The following GALK1 variants were observed in gnomAD, a reference collection of about 807,000 sequenced individuals.
The protein encoded by GALK1 is galactokinase 1, also known as galactokinase.
GALK1 carries 30 observed loss-of-function variants against 38.6 expected under a neutral mutation model. The ratio of observed to expected loss-of-function variants is 0.78; its 90% CI spans 0.58 to 1.05. GALK1 has a LOEUF of 1.05. GALK1 is among the 50% of genes least tolerant of loss of function. GALK1 has a pLI of 0.00. For missense variants in GALK1, 512 were observed against 540.5 expected (o/e 0.95, Z 0.52); for synonymous variants, 240 against 233.6 (o/e 1.03, Z -0.25).
downstream of GALK1, chr17:75,755,773 T>C: frequency 6.2e-7 from 1 of 1,612,632 alleles, no homozygotes; most frequent in South Asian, 1.1e-5. Context: ...CCCACATCTC[T>C]CAGAGTGAGC....
At chr17:75,757,643 C>T (rs762774843), downstream of GALK1, 1 of 1,569,112 alleles carries the variant, frequency 6.4e-7, no homozygotes, top group African/African-American at 1.3e-5. Flanking sequence ...ATCCTTGCAC[C>T]CCTGGGGGCC....
chr17:75,752,172 A>G, intron 8 of GALK1: 1 of 1,613,942 alleles, frequency 6.2e-7, no homozygotes, highest in Non-Finnish European at 8.5e-7. Flanking sequence ...TCTCTGCCCC[A>G]GGACCTATTG....
chr17:75,758,217 T>C lies in GALK1; in HGVS notation c.1100A>G (p.His367Arg). The C allele has an allele frequency of 8.1e-6, 13 of 1,606,692 alleles. No individual in the cohort carries two copies. The highest frequency in any genetic ancestry group is 1.1e-5 in the Non-Finnish European group (13 of 1,177,442). Residue 367 changes from histidine (H) to arginine (R), a missense_variant, in exon 7 of 8, where the codon CAC becomes CGC. Physicochemically the swap from His to Arg is conservative, Grantham distance 29. Coordinates refer to ENST00000588479, the MANE Select transcript of GALK1 (RefSeq NM_000154.2). Reference protein sequence around the residue: ...EASAAPHAMRHIQEHYGGTAT... With the variant: ...EASAAPHAMRRIQEHYGGTAT... ...GCCCTGGTGCCCGCCCACCTGGATG[T>C]GCCGCATGGCGTGGGGAGCAGCGGA...
chr17:75,756,810 T>C, downstream of GALK1: 1 of 1,612,362 alleles, frequency 6.2e-7, no homozygotes. Context: ...GGAGGCCCAA[T>C]GGGGATATCG....
Position 75,763,014 on chromosome 17 carries a change from C to T in GALK1, c.611G>A (p.Arg204Lys). Reference protein sequence around the residue: ...QKGHALLIDCRSLETSLVPLS... With the variant: ...QKGHALLIDCKSLETSLVPLS... ...AGGGGACGAGGGGAGCGAGCCCAAC[C>T]TGCAGTCAATGAGCAGCGCGTGGCC... is the stretch of plus-strand genomic sequence containing the variant. The change falls in exon 4 of 8, where the codon AGG (arginine) becomes AAG (lysine). Residue 204 changes from arginine to lysine, a missense_variant and splice_region_variant. By Grantham distance (26) the Arg-to-Lys change is conservative. Transcript: ENST00000588479. 6.2e-7 allele frequency: 1 copy of T among 1,612,914 alleles called. No individual in the cohort carries two copies. Among genetic ancestry groups the T allele is most frequent in the Non-Finnish European group, 8.5e-7 (1 of 1,180,010 alleles).
downstream of GALK1, chr17:75,756,316 C>G: frequency 8.6e-7 from 1 of 1,163,486 alleles, no homozygotes; most frequent in South Asian, 1.3e-5. Flanking sequence ...CAAACCACAG[C>G]TAGTCCTGGG....
chr17:75,762,801 G>A lies in GALK1; in HGVS notation c.696C>T (p.Ala232=). The A allele has an allele frequency of 6.2e-7, 1 of 1,613,940 alleles. No individual in the cohort carries two copies. The highest frequency in any genetic ancestry group is 1.1e-5 in the South Asian group (1 of 91,088). The part of the protein sequence containing the change: ...ITNSNVRHSL[A]SSEYPVRRRQ... ...GCCGCCGCACAGGGTACTCGCTGGA[G>A]GCCAGGGAGTGGCGGACATTAGAGT... Residue 232 remains alanine (A), a synonymous_variant, in exon 5 of 8, where the codon GCC becomes GCT. Transcript: ENST00000588479.
At chr17:75,764,743 G>C (rs1217543130) in intron 1 of GALK1, 7 of 623,656 alleles carry the variant, frequency 1.1e-5, no homozygotes, top group Non-Finnish European at 2.0e-5. Flanking sequence ...GGGCGGGCTT[G>C]AGCCAAGAGG....
chr17:75,758,365 A>G lies in GALK1; in HGVS notation c.952T>C (p.Tyr318His), dbSNP rs1271869207. Residue 318 changes from tyrosine to histidine, a missense_variant, in exon 7 of 8, where the codon TAT becomes CAT. Physicochemically the swap from Tyr to His is moderately conservative, Grantham distance 83 (BLOSUM62 2). Transcript: ENST00000588479. Reference sequence around the variant, plus strand: ...TCCAGCTCTGGGCAGCTCACCTCATAGTCGTCTCTGCAGAGAGGATATTGA... The same window carrying G: ...TCCAGCTCTGGGCAGCTCACCTCATGGTCGTCTCTGCAGAGAGGATATTGA... ...VESHRSLRDD[Y>H]EVSCPELDQL... is the part of the protein sequence containing the mutation. 1 of 1,590,898 alleles carries G rather than the reference A, an allele frequency of 6.3e-7. No individual in the cohort carries two copies. The highest frequency in any genetic ancestry group is 8.6e-7 in the Non-Finnish European group (1 of 1,169,478).
At chr17:75,760,255 G>A (rs1327140660) in intron 5 of GALK1, among the ~76,000 whole-genome samples, 1 of 151,758 alleles carries the variant, frequency 6.6e-6, no homozygotes, top group Non-Finnish European at 1.5e-5. Context: ...CACCACACCT[G>A]GCTAATTTTT....
At chr17:75,755,734 C>T, downstream of GALK1, 1 of 1,612,932 alleles carries the variant, frequency 6.2e-7, no homozygotes, top group Non-Finnish European at 8.5e-7. Flanking sequence ...CCCGACACGC[C>T]CACCCGCCTG....
chr17:75,759,484 T>A, intron 5 of GALK1, among the ~76,000 whole-genome samples: 1 of 148,630 alleles, frequency 6.7e-6, no homozygotes, highest in Admixed American at 6.7e-5. Flanking sequence ...GTGGGTGGTG[T>A]TTTAGGAGGG....
chr17:75,756,933 C>T, downstream of GALK1: 1 of 1,612,434 alleles, frequency 6.2e-7, no homozygotes, highest in South Asian at 1.1e-5. Context: ...AAGGCATCTT[C>T]CCTGCTCAGG....
chr17:75,756,458 C>G, downstream of GALK1: 1 of 1,613,380 alleles, frequency 6.2e-7, no homozygotes, highest in East Asian at 2.2e-5. Flanking sequence ...CATCCCCAAC[C>G]CTGCCCAGAC....
chr17:75,756,531 G>A (rs768671327), downstream of GALK1: 2 of 1,613,336 alleles, frequency 1.2e-6, no homozygotes, highest in Non-Finnish European at 1.7e-6. Context: ...CGGGCCCAGA[G>A]CCAGGAAGGC....
intron 8 of GALK1, chr17:75,752,032 A>G (rs935468049): frequency 4.4e-6 from 4 of 907,390 alleles, no homozygotes; most frequent in African/African-American, 3.2e-5. Flanking sequence ...GCAGGCGGCA[A>G]TTCAGCAGTG....
At chr17:75,752,607 A>T (rs955369453) in intron 8 of GALK1, 5 of 1,612,662 alleles carry the variant, frequency 3.1e-6, no homozygotes, top group Non-Finnish European at 4.2e-6. Flanking sequence ...CCACAAGAGG[A>T]CAGTGGGGGT....
At chr17:75,759,103 C>T (rs569848653) in intron 5 of GALK1, among the ~76,000 whole-genome samples, 6 of 152,034 alleles carry the variant, frequency 3.9e-5, no homozygotes, top group East Asian at 3.9e-4. Context: ...GGTGGCATGG[C>T]GGGATGGAGG....
chr17:75,757,074 G>A (rs1483655550), downstream of GALK1: 38 of 1,612,770 alleles, frequency 2.4e-5, no homozygotes, highest in Middle Eastern at 1.6e-4. Context: ...GCCAGAGCGC[G>A]AGGGCATCAT....
Sources: allele counts gnomAD v4.1 joint callset (sites outside exome capture counted in the v4.1 genomes callset), GRCh38; gene constraint gnomAD v4.1.1; transcripts MANE v1.5; gene names NCBI Gene and HGNC (gene_info 2026-07-23, HGNC 2026-07-21).